DNAH12: variants seen among roughly 807,000 people sequenced by gnomAD.
DNAH12 encodes the protein dynein axonemal heavy chain 12, also known as axonemal beta dynein heavy chain 12.
In DNAH12, 285 loss-of-function variants were observed where a neutral mutation model predicts 371.5. The ratio of observed to expected loss-of-function variants is 0.77; its 90% CI spans 0.70 to 0.85. The LOEUF (loss-of-function observed/expected upper bound fraction) is 0.85. Among genes scored for constraint, DNAH12 ranks in the 40% least tolerant of loss-of-function variants. The pLI, the probability that DNAH12 is intolerant of heterozygous loss-of-function variation, is 0.00. For missense variants in DNAH12, 3,611 were observed against 3,689.4 expected (o/e 0.98, Z 0.55); for synonymous variants, 1,200 against 1,213.0 (o/e 0.99, Z 0.22).
chr3:57,328,918 C>T (rs1290792499), intron 62 of DNAH12, among the ~76,000 whole-genome samples: 25 of 129,008 alleles, frequency 1.9e-4, no homozygotes, highest in African/African-American at 6.6e-4. Flanking sequence ...ACACCAATAA[C>T]AGACAAACAG....
At chr3:57,417,733 G>C (rs1337497789) in intron 37 of DNAH12, among the ~76,000 whole-genome samples, 1 of 151,972 alleles carries the variant, frequency 6.6e-6, no homozygotes, top group Non-Finnish European at 1.5e-5. Context: ...CTTCTTCAAA[G>C]GTATTATAGT....
chr3:57,346,582 T>C (rs1293996387), intron 60 of DNAH12, among the ~76,000 whole-genome samples: 1 of 152,024 alleles, frequency 6.6e-6, no homozygotes, highest in Non-Finnish European at 1.5e-5. Flanking sequence ...AACAGTAACA[T>C]ATATGGTAGA....
Position 57,446,218 on chromosome 3 carries a change from T to C in DNAH12, c.3992A>G (p.Asn1331Ser), listed in dbSNP as rs62622492. ...TGACAACACTTCCAACTCAATTCGATTGAATTCATCAAAGCAAGCCCAAGC... is the reference window on the plus strand; with the variant it reads ...TGACAACACTTCCAACTCAATTCGACTGAATTCATCAAAGCAAGCCCAAGC... ...SGAWACFDEF[N>S]RIELEVLSVV... Residue 1331 changes from asparagine (N) to serine (S), a missense_variant, in exon 27 of 74, where the codon AAT becomes AGT. This residue lies in a region of DNAH12 where 2,266 missense variants were observed against 2,236.9 expected (regional missense o/e 1.01). Coordinates refer to ENST00000495027, the MANE Select transcript of DNAH12 (RefSeq NM_001366028.2). 78,194 of 1,551,766 alleles carry C rather than the reference T, an allele frequency of 0.05. 2,251 individuals are homozygous for C. Among genetic ancestry groups the C allele is most frequent in the South Asian group, 0.099 (8,312 of 84,050 alleles).
Position 57,301,749 on chromosome 3 carries a change from A to T in DNAH12, c.11380T>A (p.Leu3794Met), listed in dbSNP as rs1375127542. 1 of 1,550,408 alleles carries T rather than the reference A, an allele frequency of 6.4e-7. No homozygotes were observed. Among genetic ancestry groups the T allele is most frequent in the Non-Finnish European group, 8.7e-7 (1 of 1,146,524 alleles). The change falls in exon 70 of 74, where the codon TTG (leucine) becomes ATG (methionine). Residue 3794 changes from leucine to methionine, a missense_variant. Physicochemically the swap from Leu to Met is conservative, Grantham distance 15. Coordinates refer to ENST00000495027, the MANE Select transcript of DNAH12 (RefSeq NM_001366028.2). Reference protein sequence around the residue: ...GSYITDFLARLNFLQDWYNSG... With the variant: ...GSYITDFLARMNFLQDWYNSG... Reference sequence around the variant, plus strand: ...ACACATTTTACCTGTAAAAAGTTCAACCGGGCTAGGAAATCTGTGATGTAA... The same window carrying T: ...ACACATTTTACCTGTAAAAAGTTCATCCGGGCTAGGAAATCTGTGATGTAA...
At chr3:57,381,164 C>T (rs1338984579) in intron 50 of DNAH12, among the ~76,000 whole-genome samples, 3 of 151,978 alleles carry the variant, frequency 2.0e-5, no homozygotes, top group Non-Finnish European at 4.4e-5. Context: ...GCACATGCTA[C>T]ATATATTGGC....
chr3:57,554,115 C>T, the DNAH12 span, among the ~76,000 whole-genome samples: 1 of 148,708 alleles, frequency 6.7e-6, no homozygotes, highest in African/African-American at 2.6e-5. Context: ...AGTGAAATTC[C>T]ATCTCTACTA....
intron 45 of DNAH12, among the ~76,000 whole-genome samples, chr3:57,389,037 A>AG (rs1476374284): frequency 6.6e-6 from 1 of 152,198 alleles, no homozygotes; most frequent in African/African-American, 2.4e-5. Context: ...CATGTACCCT[A>AG]GAACTTAAAG....
chr3:57,502,572 C>T lies in DNAH12; in HGVS notation c.1087-93G>A, dbSNP rs373014207. On this transcript the variant is annotated intron_variant, in intron 9 of 73. Coordinates refer to ENST00000495027, the MANE Select transcript of DNAH12 (RefSeq NM_001366028.2). ...GATCTTTTTTTTTTTCCTTTGGAGACGGAGTCTTGCTCTATCACCCAGGTT... is the reference window on the plus strand; with the variant it reads ...GATCTTTTTTTTTTTCCTTTGGAGATGGAGTCTTGCTCTATCACCCAGGTT... 1.3e-4 allele frequency: 173 copies of T among 1,312,962 alleles called. 1 individual carries two copies. In the South Asian group the frequency reaches 2.0e-3, roughly 16 times the overall value. 81.3% of individuals were successfully genotyped at this position (1,312,962 alleles called of 1,614,324 possible).
intron 66 of DNAH12, among the ~76,000 whole-genome samples, chr3:57,312,295 A>C (rs915917419): frequency 5.9e-5 from 9 of 152,184 alleles, no homozygotes; most frequent in African/African-American, 1.7e-4. Flanking sequence ...CAAAAAGAGT[A>C]AAGTTTTTCC....
Position 57,429,775 on chromosome 3 carries a change from C to A in DNAH12, c.4981-1G>T. The stretch of plus-strand genomic sequence containing the variant: ...TGATTTCTCCACTCATAAGGCAAAG[C>A]TAAAAGCAATTATTTTTCAAATGTT... On this transcript the variant is annotated splice_acceptor_variant, in intron 32 of 73. Coordinates refer to ENST00000495027, the MANE Select transcript of DNAH12 (RefSeq NM_001366028.2). LOFTEE classifies it high-confidence loss of function. The A allele has an allele frequency of 6.7e-7, 1 of 1,492,158 alleles. No homozygotes were observed. The highest frequency in any genetic ancestry group is 2.6e-5 in the East Asian group (1 of 38,588). 92.4% of individuals were successfully genotyped at this position (1,492,158 alleles called of 1,614,324 possible). A position where few individuals can be genotyped will look rare whatever the true frequency, so the allele number is the denominator to read the frequency against.
At chr3:57,333,084 G>C (rs375971899) in intron 62 of DNAH12, among the ~76,000 whole-genome samples, 1 of 152,012 alleles carries the variant, frequency 6.6e-6, no homozygotes, top group African/African-American at 2.4e-5. Flanking sequence ...AGTTTCTGTT[G>C]CATGTTCTTT....
chr3:57,502,902 A>T (rs942263237), intron 9 of DNAH12, among the ~76,000 whole-genome samples: 3 of 150,424 alleles, frequency 2.0e-5, no homozygotes, highest in Non-Finnish European at 3.0e-5. Flanking sequence ...CTGGTCTCGA[A>T]CTCCTGAGCT....
Position 57,323,458 on chromosome 3 carries a change from T to C in DNAH12, c.10129+11A>G. 1 of 1,538,448 alleles carries C rather than the reference T, an allele frequency of 6.5e-7. No homozygotes were observed. The highest frequency in any genetic ancestry group is 1.2e-5 in the South Asian group (1 of 81,048). ...TATGATTTCTTAAAAGTTTACAGTA[T>C]ATGCACTTACTGGCCATAGGATCTG... On this transcript the variant is annotated intron_variant, in intron 63 of 73. Transcript: ENST00000495027.
Position 57,293,735 on chromosome 3 carries a change from GTTTTT to G in DNAH12, c.*41_*45del. On this transcript the variant is annotated 3_prime_UTR_variant, in exon 74 of 74. Coordinates refer to ENST00000495027, the MANE Select transcript of DNAH12 (RefSeq NM_001366028.2). ...AATGTATATATTTTAAGTAGGACAG[GTTTTT>G]TTTTTTTTAAACTTTTGGATGTTTT... The G allele has an allele frequency of 8.9e-7, 1 of 1,117,838 alleles. No individual in the cohort carries two copies. Among genetic ancestry groups the G allele is most frequent in the Non-Finnish European group, 1.2e-6 (1 of 814,826 alleles). 69.2% of individuals were successfully genotyped at this position (1,117,838 alleles called of 1,614,324 possible).
At chr3:57,493,998 T>C (rs919257199) in intron 11 of DNAH12, among the ~76,000 whole-genome samples, 2 of 152,174 alleles carry the variant, frequency 1.3e-5, no homozygotes, top group Non-Finnish European at 2.9e-5. Flanking sequence ...TTTGGGATGC[T>C]GAGGCAGGAG....
rs151155803 is a variant in DNAH12, at chr3:57,537,974, C to T, written c.170+4727G>A. ...CTGGGATTACAGGCGTGAGCCACCA[C>T]GCCCGGCTGAAAGTTTTTGCATTAG... On this transcript the variant is annotated intron_variant, in intron 2 of 73. Coordinates refer to ENST00000495027, the MANE Select transcript of DNAH12 (RefSeq NM_001366028.2). Among the ~76,000 whole-genome samples, 147 of 152,264 alleles carry T rather than the reference C, an allele frequency of 9.7e-4. 1 individual carries two copies. The highest frequency in any genetic ancestry group is 3.3e-3 in the African/African-American group (137 of 41,566).
intron 9 of DNAH12, among the ~76,000 whole-genome samples, chr3:57,503,505 C>T (rs1467898142): frequency 6.6e-6 from 1 of 151,748 alleles, no homozygotes; most frequent in Non-Finnish European, 1.5e-5. Context: ...TTTCCTGCCT[C>T]AACCTCCTGA....
intron 8 of DNAH12, among the ~76,000 whole-genome samples, 182 bp from the exon 9 acceptor site, chr3:57,504,386 T>C (rs2067672169): frequency 2.1e-5 from 3 of 145,798 alleles, no homozygotes; most frequent in Admixed American, 2.0e-4. Flanking sequence ...TATACATACA[T>C]GCACACACAC....
At chr3:57,302,530 TATATATATATATATATA>T (rs1374034281) in intron 69 of DNAH12, among the ~76,000 whole-genome samples, 1 of 17,526 alleles carries the variant, frequency 5.7e-5, no homozygotes, top group African/African-American at 1.9e-4. Context: ...GCATCAGGTG[TATATATATATATATATA>T]TATATATATA....
Sources: allele counts gnomAD v4.1 joint callset (sites outside exome capture counted in the v4.1 genomes callset), GRCh38; gene constraint gnomAD v4.1.1; regional missense constraint gnomAD v4.1.1; transcripts MANE v1.5; gene names NCBI Gene and HGNC (gene_info 2026-07-23, HGNC 2026-07-21).